CSN1S1: variants seen among roughly 807,000 people sequenced by gnomAD.
CSN1S1 encodes alpha-S1-casein.
CSN1S1 carries 63 observed loss-of-function variants against 49.1 expected under a neutral mutation model. The ratio of observed to expected loss-of-function variants is 1.28; its 90% CI spans 1.05 to 1.58. The LOEUF is 1.58. CSN1S1 is among the 40% of genes most tolerant of loss of function. The pLI is 0.00. For synonymous variants in CSN1S1, 78 were observed against 67.1 expected (o/e 1.16, Z -0.79); for missense variants, 260 against 224.7 (o/e 1.16, Z -1.01).
At chr4:69,935,091 T>G in intron 4 of CSN1S1, among the ~76,000 whole-genome samples, 1 of 152,222 alleles carries the variant, frequency 6.6e-6, no homozygotes, top group East Asian at 1.9e-4. Context: ...GGTTTTTTGG[T>G]GTTTTTATTA....
intron 15 of CSN1S1, among the ~76,000 whole-genome samples, chr4:69,945,546 T>C (rs557510120): frequency 6.6e-6 from 1 of 152,156 alleles, no homozygotes; most frequent in South Asian, 2.1e-4. Flanking sequence ...AAATAAACAC[T>C]GAATAGGTAA....
At chr4:69,936,220 A>C (rs1439466626) in intron 5 of CSN1S1, among the ~76,000 whole-genome samples, 1 of 152,064 alleles carries the variant, frequency 6.6e-6, no homozygotes, top group Non-Finnish European at 1.5e-5. Flanking sequence ...TTGTATCAGC[A>C]CTAATGAATT....
chr4:69,932,801 ACT>A, intron 2 of CSN1S1, among the ~76,000 whole-genome samples, 195 bp downstream of exon 2: 1 of 152,110 alleles, frequency 6.6e-6, no homozygotes, highest in Admixed American at 6.6e-5. Context: ...GAGAGCCTTA[ACT>A]CTGAATAAAA....
chr4:69,935,822 T>C, intron 4 of CSN1S1, 104 bp from the exon 5 acceptor site: 1 of 759,888 alleles, frequency 1.3e-6, no homozygotes, highest in Non-Finnish European at 2.2e-6. Context: ...TTGACTTAAT[T>C]GTTGAATAGA....
In CSN1S1 at chr4:69,936,940, C is replaced by T. The variant is rs1033284881; in HGVS notation, c.196-181C>T. On this transcript the variant is annotated intron_variant, in intron 7 of 15. Coordinates refer to ENST00000246891, the MANE Select transcript of CSN1S1 (RefSeq NM_001890.2). ...TTATATGAAGTAATACAATATCTGG[C>T]TCAAGAATATTTACATAGTCATACT... is the stretch of plus-strand genomic sequence containing the variant. Among the ~76,000 whole-genome samples the T allele has an allele frequency of 2.6e-5, 4 of 152,016 alleles. No individual in the cohort carries two copies. The East Asian group carries it at 7.7e-4, about 29-fold the overall frequency.
intron 4 of CSN1S1, among the ~76,000 whole-genome samples, chr4:69,935,408 G>T (rs1722743391): frequency 6.6e-6 from 1 of 151,762 alleles, no homozygotes; most frequent in Non-Finnish European, 1.5e-5. Context: ...AAAATAGTCG[G>T]ATGTGGCGGC....
At chr4:69,945,332 T>C (rs1421637194) in intron 15 of CSN1S1, among the ~76,000 whole-genome samples, 4 of 152,066 alleles carry the variant, frequency 2.6e-5, no homozygotes, top group Non-Finnish European at 5.9e-5. Context: ...GCGCTTTTAC[T>C]AATCTTTAAA....
intron 2 of CSN1S1, among the ~76,000 whole-genome samples, chr4:69,933,650 C>T (rs1208973670): frequency 1.3e-5 from 2 of 151,976 alleles, no homozygotes; most frequent in Admixed American, 1.3e-4. Context: ...ATAGATGTTA[C>T]ACTTTTATTC....
rs77486880 is a variant in CSN1S1 at position 69,940,614 on chromosome 4, C to A, written c.301-405C>A. 4.2e-3 allele frequency among the ~76,000 whole-genome samples: 637 copies of A among 151,744 alleles called. 4 individuals are homozygous for A. The highest frequency in any genetic ancestry group is 5.4e-3 in the Non-Finnish European group (368 of 67,726). ...AATTAATGTAATCCATGACACAGAG[C>A]AAACTGTCAATAAATGTTGGATAGC... is the stretch of plus-strand genomic sequence containing the variant. On this transcript the variant is annotated intron_variant, in intron 11 of 15. Coordinates refer to ENST00000246891, the MANE Select transcript of CSN1S1 (RefSeq NM_001890.2).
chr4:69,934,335 CT>C, intron 3 of CSN1S1, 91 bp downstream of exon 3: 4 of 1,276,316 alleles, frequency 3.1e-6, no homozygotes, highest in Non-Finnish European at 4.5e-6. Flanking sequence ...AAACAGCCTG[CT>C]TCACTTTTGC....
Position 69,944,972 on chromosome 4 carries a change from T to A in CSN1S1, c.525T>A (p.Asn175Lys), listed in dbSNP as rs183500883. 4.7e-4 allele frequency: 755 copies of A among 1,612,758 alleles called. No homozygotes were observed. The highest frequency in any genetic ancestry group is 7.2e-4 in the Admixed American group (43 of 59,858). ...SDISNPTAHE[N>K]YEKNNVMLQW The stretch of plus-strand genomic sequence containing the variant: ...TCTCCAATCCCACTGCTCATGAAAA[T>A]TATGAAAAAAATAACGTCATGCTAC... Residue 175 changes from asparagine (N) to lysine (K), a missense_variant, in exon 15 of 16, where the codon AAT becomes AAA. By Grantham distance (94) the Asn-to-Lys change is moderately conservative. Transcript: ENST00000246891.
At chr4:69,943,443 C>T (rs1307905456) in intron 14 of CSN1S1, among the ~76,000 whole-genome samples, 2 of 151,838 alleles carry the variant, frequency 1.3e-5, no homozygotes, top group Middle Eastern at 3.2e-3. Context: ...CCTTGGCCTC[C>T]CAAAGTGCTG....
chr4:69,933,950 T>C (rs1408023364), intron 2 of CSN1S1, among the ~76,000 whole-genome samples: 2 of 152,012 alleles, frequency 1.3e-5, no homozygotes, highest in Non-Finnish European at 2.9e-5. Flanking sequence ...AAAGATGTTT[T>C]ACATAGTTTT....
rs1380116187 is a variant in CSN1S1 at position 69,934,245 on chromosome 4, G to A, written c.84+1G>A. ...TCTTAGATACCCAGAACGCCTTCAG[G>A]TAAATATTCTATTCTGCATTCCAAG... On this transcript the variant is annotated splice_donor_variant, in intron 3 of 15. Transcript: ENST00000246891. LOFTEE classifies it high-confidence loss of function. The A allele has an allele frequency of 1.2e-6, 2 of 1,610,394 alleles. No individual in the cohort carries two copies. The highest frequency in any genetic ancestry group is 2.2e-5 in the East Asian group (1 of 44,708).
chr4:69,932,007 T>C (rs1303913195), intron 1 of CSN1S1, among the ~76,000 whole-genome samples: 1 of 151,904 alleles, frequency 6.6e-6, no homozygotes, highest in African/African-American at 2.4e-5. Flanking sequence ...AAGAGATCAA[T>C]AGCTTTTACA....
intron 14 of CSN1S1, among the ~76,000 whole-genome samples, chr4:69,943,469 C>T (rs116311419): frequency 0.016 from 2,386 of 151,840 alleles, 75 homozygotes; most frequent in African/African-American, 0.055. Context: ...ACAGGCATGA[C>T]CTATTACTTC....
intron 15 of CSN1S1, among the ~76,000 whole-genome samples, chr4:69,945,500 C>G (rs1723133630): frequency 1.3e-5 from 2 of 151,822 alleles, no homozygotes. Context: ...TGAGGGTGAT[C>G]AAATATAGTA....
chr4:69,943,580 T>C (rs1723053395), intron 14 of CSN1S1, among the ~76,000 whole-genome samples: 1 of 152,062 alleles, frequency 6.6e-6, no homozygotes, highest in Admixed American at 6.6e-5. Context: ...CATGTTCAGT[T>C]GGATGTAAAT....
intron 2 of CSN1S1, among the ~76,000 whole-genome samples, chr4:69,933,152 C>T (rs1722662312): frequency 6.6e-6 from 1 of 150,806 alleles, no homozygotes; most frequent in South Asian, 2.1e-4. Flanking sequence ...TTATTGTGGT[C>T]ACTGTAGACA....
Sources: gnomAD v4.1 joint callset for allele counts (sites outside exome capture counted in the v4.1 genomes callset) on GRCh38, gnomAD v4.1.1 for gene constraint, MANE v1.5 for transcripts, NCBI Gene and HGNC (gene_info 2026-07-23, HGNC 2026-07-21) for gene names.